Variants in PTPRD observed in about 807,000 individuals in gnomAD.
The protein encoded by PTPRD is protein tyrosine phosphatase receptor type D, also known as receptor-type tyrosine-protein phosphatase delta.
In PTPRD, 34 loss-of-function variants were observed where a neutral mutation model predicts 214.5. The ratio of observed to expected loss-of-function variants is 0.16; its 90% CI spans 0.12 to 0.21. PTPRD has a LOEUF of 0.21. Among genes scored for constraint, PTPRD ranks in the 10% least tolerant of loss-of-function variants. PTPRD has a pLI of 1.00. For missense variants in PTPRD, 2,545 were observed against 2,398.7 expected (o/e 1.06, Z -1.27); for synonymous variants, 1,128 against 845.7 (o/e 1.33, Z -5.79).
chr9:9,390,097 C>A (rs1308396221), intron 9 of PTPRD, among the ~76,000 whole-genome samples: 2 of 152,126 alleles, frequency 1.3e-5, no homozygotes, highest in Non-Finnish European at 2.9e-5. Flanking sequence ...TGTGAGAAAG[C>A]ACTCCAGGTA....
chr9:9,377,044 G>C (rs1355575517), intron 9 of PTPRD, among the ~76,000 whole-genome samples: 3 of 151,920 alleles, frequency 2.0e-5, no homozygotes, highest in African/African-American at 7.2e-5. Context: ...CAAGCTAAAG[G>C]AAGAATTTGG....
At chr9:9,578,991 T>C (rs1476220698) in intron 7 of PTPRD, among the ~76,000 whole-genome samples, 1 of 152,154 alleles carries the variant, frequency 6.6e-6, no homozygotes, top group African/African-American at 2.4e-5. Flanking sequence ...TAGATAAAAC[T>C]GAGCTATAAG....
intron 4 of PTPRD, among the ~76,000 whole-genome samples, chr9:10,018,875 G>A (rs1185746289): frequency 2.6e-5 from 4 of 151,950 alleles, no homozygotes; most frequent in Non-Finnish European, 5.9e-5. Flanking sequence ...TACACACATT[G>A]TTAATATGCA....
chr9:10,476,332 C>A (rs759366510), intron 2 of PTPRD, among the ~76,000 whole-genome samples: 1 of 152,126 alleles, frequency 6.6e-6, no homozygotes, highest in African/African-American at 2.4e-5. Flanking sequence ...CATTCCTATA[C>A]ACCAATAGTA....
At chr9:8,740,146 C>T (rs548067084) in intron 11 of PTPRD, among the ~76,000 whole-genome samples, 1 of 152,208 alleles carries the variant, frequency 6.6e-6, no homozygotes, top group African/African-American at 2.4e-5. Context: ...TATGACCAAA[C>T]TACCCTGAAC....
chr9:8,489,367 T>C (rs1313970791), intron 27 of PTPRD, among the ~76,000 whole-genome samples: 2 of 152,206 alleles, frequency 1.3e-5, no homozygotes, highest in Non-Finnish European at 2.9e-5. Flanking sequence ...TCTGACCTAC[T>C]GGCTTCCCCT....
chr9:10,142,932 A>C (rs291285), intron 3 of PTPRD, among the ~76,000 whole-genome samples: 60,668 of 150,446 alleles, frequency 0.4, 12,858 homozygotes, highest in Middle Eastern at 0.5. Context: ...ACACCATGGA[A>C]TACTATGCAG....
chr9:10,008,880 G>T (rs1043569162), intron 4 of PTPRD, among the ~76,000 whole-genome samples: 1 of 151,286 alleles, frequency 6.6e-6, no homozygotes, highest in South Asian at 2.1e-4. Flanking sequence ...ATCAGAAAAT[G>T]GTTAAAAATG....
chr9:8,658,696 A>C (rs1291433628), intron 12 of PTPRD, among the ~76,000 whole-genome samples: 4 of 150,890 alleles, frequency 2.7e-5, no homozygotes, highest in African/African-American at 9.7e-5. Context: ...AAAGGTGAAG[A>C]CAAGTCAGAA....
chr9:8,459,113 A>G (rs1433741138), intron 33 of PTPRD, among the ~76,000 whole-genome samples: 1 of 152,050 alleles, frequency 6.6e-6, no homozygotes, highest in Non-Finnish European at 1.5e-5. Flanking sequence ...GTTATGGGGG[A>G]AAAACGTTAT....
At chr9:8,829,325 CATG>C (rs1353153739) in intron 11 of PTPRD, among the ~76,000 whole-genome samples, 20 of 152,158 alleles carry the variant, frequency 1.3e-4, no homozygotes, top group Non-Finnish European at 2.6e-4. Flanking sequence ...CAATCACTGT[CATG>C]ATTTTTGTCA....
chr9:10,101,057 C>T (rs2098547073), intron 3 of PTPRD, among the ~76,000 whole-genome samples: 1 of 151,416 alleles, frequency 6.6e-6, no homozygotes, highest in Admixed American at 6.6e-5. Context: ...GACAGCCTGG[C>T]CAGAAACCTC....
At chr9:10,249,168 C>CTAT (rs2092533309) in intron 3 of PTPRD, among the ~76,000 whole-genome samples, 2 of 152,214 alleles carry the variant, frequency 1.3e-5, no homozygotes, top group South Asian at 4.1e-4. Flanking sequence ...CTTTTATCTC[C>CTAT]CATCCTATAC....
At chr9:9,957,077 A>C (rs2093985778) in intron 4 of PTPRD, among the ~76,000 whole-genome samples, 1 of 152,192 alleles carries the variant, frequency 6.6e-6, no homozygotes, top group African/African-American at 2.4e-5. Flanking sequence ...AGAACATACA[A>C]CTAATTTAAA....
chr9:9,441,619 A>G (rs1038113531), intron 8 of PTPRD, among the ~76,000 whole-genome samples: 2 of 152,212 alleles, frequency 1.3e-5, no homozygotes, highest in Non-Finnish European at 2.9e-5. Flanking sequence ...ATGGAGACAT[A>G]TCTGCCAGGC....
At chr9:8,877,784 G>C (rs1023794868) in intron 11 of PTPRD, among the ~76,000 whole-genome samples, 2 of 152,124 alleles carry the variant, frequency 1.3e-5, no homozygotes, top group African/African-American at 4.8e-5. Flanking sequence ...TCATGATTTT[G>C]TCCTTTACCC....
intron 5 of PTPRD, among the ~76,000 whole-genome samples, chr9:9,923,342 G>C (rs1411165871): frequency 6.6e-6 from 1 of 150,452 alleles, no homozygotes; most frequent in African/African-American, 2.5e-5. Context: ...GACACAAAGA[G>C]ATGGAAAACG....
chr9:9,553,939 T>C (rs531454896), intron 8 of PTPRD, among the ~76,000 whole-genome samples: 1 of 152,168 alleles, frequency 6.6e-6, no homozygotes, highest in South Asian at 2.1e-4. Context: ...CAACAAAGCT[T>C]ACATATGTGA....
chr9:9,215,711 C>G (rs1329254330), intron 9 of PTPRD, among the ~76,000 whole-genome samples: 4 of 152,170 alleles, frequency 2.6e-5, no homozygotes, highest in Non-Finnish European at 5.9e-5. Flanking sequence ...CCCTGCTTTA[C>G]AAGTAACACA....
Sources: allele counts gnomAD v4.1 joint callset (sites outside exome capture counted in the v4.1 genomes callset), GRCh38; gene constraint gnomAD v4.1.1; transcripts MANE v1.5; gene names NCBI Gene and HGNC (gene_info 2026-07-23, HGNC 2026-07-21).